The following CCDC171 variants were observed in gnomAD, a reference collection of about 807,000 sequenced individuals.
CCDC171 encodes coiled-coil domain-containing protein 171.
A neutral mutation model predicts 168.2 loss-of-function variants in CCDC171; 177 were observed. That is an observed-to-expected ratio of 1.05 (90% CI 0.93 to 1.19). The LOEUF is 1.19. Among genes scored for constraint, CCDC171 ranks in the 50% most tolerant of loss-of-function variants. CCDC171 has a pLI of 0.00. For missense variants in CCDC171, 1,991 were observed against 1,539.0 expected (o/e 1.29, Z -4.91); for synonymous variants, 687 against 540.8 (o/e 1.27, Z -3.75).
intron 21 of CCDC171, among the ~76,000 whole-genome samples, chr9:15,831,698 C>A (rs2060240409): frequency 6.6e-6 from 1 of 152,080 alleles, no homozygotes; most frequent in African/African-American, 2.4e-5. Context: ...CTTTAAAAAA[C>A]AGAGAGGGTT....
chr9:15,683,537 C>T lies in CCDC171; in HGVS notation c.1215+4641C>T, dbSNP rs1183529110. ...TATTTATACATGGGCATTGTTTTTG[C>T]TAATATAAATATCACTTTCCGTTTC... On this transcript the variant is annotated intron_variant, in intron 10 of 25. Coordinates refer to ENST00000380701, the MANE Select transcript of CCDC171 (RefSeq NM_173550.4). Among the ~76,000 whole-genome samples the T allele has an allele frequency of 2.0e-5, 3 of 152,040 alleles. No homozygotes were observed. The South Asian group carries it at 6.2e-4, about 32-fold the overall frequency.
chr9:15,682,173 C>G (rs2050084114), intron 10 of CCDC171, among the ~76,000 whole-genome samples: 2 of 152,104 alleles, frequency 1.3e-5, no homozygotes, highest in East Asian at 1.9e-4. Flanking sequence ...GATACAAAGA[C>G]TTGAGCAAAT....
At chr9:15,908,511 G>T (rs140689510) in intron 24 of CCDC171, among the ~76,000 whole-genome samples, 2 of 151,612 alleles carry the variant, frequency 1.3e-5, no homozygotes, top group Non-Finnish European at 2.9e-5. Flanking sequence ...GTTGTCGGGT[G>T]GGGGGAGGTG....
rs193176516 is a variant in CCDC171, at chr9:15,989,127, C to T, written n.369-31462C>T. ...TGAGATCTGAGAATGGACAGACTGC[C>T]TCCTCAAGTGGGTCGCTGACCCCCG... On this transcript the variant is annotated intron_variant and non_coding_transcript_variant, in intron 3 of 9. Coordinates refer to the CCDC171 transcript ENST00000486641. Among the ~76,000 whole-genome samples, 258 of 152,312 alleles carry T rather than the reference C, an allele frequency of 1.7e-3. 2 individuals carry two copies. Among genetic ancestry groups the T allele is most frequent in the African/African-American group, 5.8e-3 (240 of 41,562 alleles).
At chr9:16,056,768 G>A (rs1021501925) in intron 1 of CCDC171, among the ~76,000 whole-genome samples, 7 of 152,188 alleles carry the variant, frequency 4.6e-5, no homozygotes, top group African/African-American at 1.4e-4. Context: ...GATTAGAGGT[G>A]TGAGCCACTG....
intron 18 of CCDC171, among the ~76,000 whole-genome samples, chr9:15,767,101 G>A (rs188465559): frequency 2.0e-5 from 3 of 152,184 alleles, no homozygotes; most frequent in African/African-American, 7.2e-5. Context: ...TTAAAAATGT[G>A]TGAGGGCATA....
chr9:15,647,541 A>G (rs905831528), intron 7 of CCDC171, among the ~76,000 whole-genome samples: 9 of 152,154 alleles, frequency 5.9e-5, no homozygotes, highest in Non-Finnish European at 1.2e-4. Flanking sequence ...TCAAATAGAC[A>G]CAATAAAAAA....
intron 21 of CCDC171, among the ~76,000 whole-genome samples, chr9:15,839,169 C>T (rs2060572161): frequency 6.6e-6 from 1 of 152,134 alleles, no homozygotes; most frequent in Admixed American, 6.5e-5. Context: ...CACAAGGGAT[C>T]TTGAGTTGTA....
chr9:15,997,439 TA>T (rs1589309791), intron 3 of CCDC171, among the ~76,000 whole-genome samples: 1 of 152,130 alleles, frequency 6.6e-6, no homozygotes, highest in Non-Finnish European at 1.5e-5. Flanking sequence ...AGCTAAAAAA[TA>T]AGTTTTTTGT....
intron 18 of CCDC171, among the ~76,000 whole-genome samples, chr9:15,747,944 ACTTCT>A (rs2055420138): frequency 6.6e-6 from 1 of 152,090 alleles, no homozygotes; most frequent in South Asian, 2.1e-4. Flanking sequence ...GTAATAACAA[ACTTCT>A]CCGAGCTAAA....
Position 15,660,438 on chromosome 9 carries a change from C to T in CCDC171, c.915+3219C>T, listed in dbSNP as rs148225059. Among the ~76,000 whole-genome samples, 29 of 152,170 alleles carry T rather than the reference C, an allele frequency of 1.9e-4. No homozygotes were observed. The East Asian group carries it at 5.6e-3, about 29-fold the overall frequency. ...GTCACCCAGGTATTCAGCATAGCACCCAATTGTTAATTTTTCAACTCTTGC... is the reference window on the plus strand; with the variant it reads ...GTCACCCAGGTATTCAGCATAGCACTCAATTGTTAATTTTTCAACTCTTGC... On this transcript the variant is annotated intron_variant, in intron 8 of 25. Coordinates refer to ENST00000380701, the MANE Select transcript of CCDC171 (RefSeq NM_173550.4).
At chr9:15,902,264 ATATATATAT>A (rs1821791992) in intron 24 of CCDC171, among the ~76,000 whole-genome samples, 1 of 147,002 alleles carries the variant, frequency 6.8e-6, no homozygotes, top group Non-Finnish European at 1.5e-5. Context: ...ATATATATGT[ATATATATAT>A]ATATATATAC....
chr9:15,802,476 T>TATAAGTGAGAACTTATA lies in CCDC171; in HGVS notation c.3267+17783_3267+17784insTAAGTGAGAACTTATAA, dbSNP rs2058872773. On this transcript the variant is annotated intron_variant, in intron 21 of 25. Coordinates refer to ENST00000380701, the MANE Select transcript of CCDC171 (RefSeq NM_173550.4). Reference sequence around the variant, plus strand: ...CACTGTGTGTCCATGTGTTCTCATTTAGCTCCCACTTATAAGTGAGAACAT... The same window carrying TATAAGTGAGAACTTATA: ...CACTGTGTGTCCATGTGTTCTCATTTATAAGTGAGAACTTATAAGCTCCCACTTATAAGTGAGAACAT... Among the ~76,000 whole-genome samples, 4 of 152,104 alleles carry TATAAGTGAGAACTTATA rather than the reference T, an allele frequency of 2.6e-5. No individual in the cohort carries two copies. In the South Asian group the frequency reaches 8.3e-4, roughly 32 times the overall value.
intron 8 of CCDC171, among the ~76,000 whole-genome samples, chr9:15,660,592 G>T (rs1004068664): frequency 4.6e-5 from 7 of 152,142 alleles, no homozygotes; most frequent in Non-Finnish European, 1.0e-4. Flanking sequence ...CTGTTCCTTT[G>T]TTAATTTGCT....
chr9:15,966,015 A>G (rs535237584), intron 25 of CCDC171, among the ~76,000 whole-genome samples: 37 of 152,362 alleles, frequency 2.4e-4, no homozygotes, highest in Non-Finnish European at 4.7e-4. Flanking sequence ...CTCATTCATC[A>G]TTTAGGAATC....
intron 21 of CCDC171, among the ~76,000 whole-genome samples, chr9:15,785,716 T>A (rs1056131906): frequency 2.6e-5 from 4 of 152,092 alleles, no homozygotes; most frequent in Admixed American, 1.3e-4. Flanking sequence ...CTTACACATT[T>A]CTTAGTAAGT....
At chr9:15,725,395 A>T (rs1216535172) in intron 14 of CCDC171, among the ~76,000 whole-genome samples, 2 of 152,168 alleles carry the variant, frequency 1.3e-5, no homozygotes, top group African/African-American at 2.4e-5. Context: ...TTTATAAATG[A>T]TGTGGCTGTG....
intron 6 of CCDC171, among the ~76,000 whole-genome samples, chr9:15,596,168 T>G (rs1430837161): frequency 6.6e-6 from 1 of 152,188 alleles, no homozygotes; most frequent in East Asian, 1.9e-4. Flanking sequence ...ATTTGTCAAT[T>G]TTGGCTTTTG....
At chr9:15,950,954 A>G (rs1349449196) in intron 25 of CCDC171, among the ~76,000 whole-genome samples, 1 of 151,556 alleles carries the variant, frequency 6.6e-6, no homozygotes, top group Non-Finnish European at 1.5e-5. Context: ...GGAAAACAAA[A>G]AGAGGCAGGG....
Sources: allele counts gnomAD v4.1 joint callset (sites outside exome capture counted in the v4.1 genomes callset), GRCh38; gene constraint gnomAD v4.1.1; transcripts MANE v1.5; gene names NCBI Gene and HGNC (gene_info 2026-07-23, HGNC 2026-07-21).